The following LTF variants were observed in gnomAD, a reference collection of about 807,000 sequenced individuals.
LTF encodes the protein lactotransferrin.
A neutral mutation model predicts 87.2 loss-of-function variants in LTF; 91 were observed. The observed-to-expected ratio is 1.04, with a 90% CI of 0.88 to 1.24. LTF has a LOEUF of 1.24. Among genes scored for constraint, LTF ranks in the 50% most tolerant of loss-of-function variants. The pLI is 0.00. For missense variants in LTF, 901 were observed against 904.3 expected (o/e 1.00, Z 0.05); for synonymous variants, 378 against 356.1 (o/e 1.06, Z -0.69).
intron 6 of LTF, 76 bp from the exon 7 acceptor site, chr3:46,450,749 T>C: frequency 7.8e-7 from 1 of 1,278,468 alleles, no homozygotes; most frequent in Non-Finnish European, 1.1e-6. Flanking sequence ...GTTCCCCTTC[T>C]CCCTATAGAA....
chr3:46,441,545 A>G, intron 13 of LTF, 62 bp from the exon 14 acceptor site: 1 of 1,164,066 alleles, frequency 8.6e-7, no homozygotes. Flanking sequence ...GCTTTCATAA[A>G]TATTTGTAAT....
chr3:46,468,123 G>A, upstream of LTF: 1 of 448,352 alleles, frequency 2.2e-6, no homozygotes, highest in Non-Finnish European at 4.5e-6. Context: ...AATAAATGAG[G>A]AAGAGGAACA....
intron 1 of LTF, among the ~76,000 whole-genome samples, chr3:46,481,523 C>A (rs1384618521): frequency 2.0e-5 from 3 of 152,218 alleles, no homozygotes; most frequent in Admixed American, 6.5e-5. Flanking sequence ...ACACCTATGC[C>A]ACTAAGACTT....
At chr3:46,472,488 T>TTTTGTGTGTGTG (rs1553667481) in intron 1 of LTF, among the ~76,000 whole-genome samples, 1 of 106,890 alleles carries the variant, frequency 9.4e-6, no homozygotes, top group Non-Finnish European at 1.9e-5. Flanking sequence ...GAAAAGATTA[T>TTTTGTGTGTGTG]TGTGTGTGTG....
At chr3:46,484,808 G>A (rs936061162) in intron 1 of LTF, among the ~76,000 whole-genome samples, 17 of 152,166 alleles carry the variant, frequency 1.1e-4, no homozygotes, top group African/African-American at 1.7e-4. Context: ...CCACCACCTC[G>A]GGGCAGAGAG....
At chr3:46,465,087 G>A (rs1341288965), upstream of LTF, 14 of 594,388 alleles carry the variant, frequency 2.4e-5, no homozygotes. Context: ...AAGCCAGCCT[G>A]CACCTCACCT....
intron 5 of LTF, among the ~76,000 whole-genome samples, chr3:46,455,061 C>T (rs1702892644): frequency 6.6e-6 from 1 of 152,208 alleles, no homozygotes; most frequent in East Asian, 1.9e-4. Context: ...CCCACAGCCA[C>T]AGTGACTGCC....
At chr3:46,450,795 G>A in intron 6 of LTF, 122 bp from the exon 7 acceptor site, 1 of 805,988 alleles carries the variant, frequency 1.2e-6, no homozygotes, top group Non-Finnish European at 2.0e-6. Context: ...AAAACTGAGG[G>A]TCAGAAAGGC....
At chr3:46,450,713 G>T (rs369024938) in intron 6 of LTF, 40 bp from the exon 7 acceptor site, 3 of 1,538,720 alleles carry the variant, frequency 1.9e-6, no homozygotes, top group Non-Finnish European at 2.7e-6. Flanking sequence ...TAGATAAGCC[G>T]ACTCCAGCAG....
chr3:46,436,689 A>G (rs1027021673), intron 16 of LTF, among the ~76,000 whole-genome samples: 3 of 152,220 alleles, frequency 2.0e-5, no homozygotes, highest in Non-Finnish European at 2.9e-5. Context: ...GCCCTCAAGA[A>G]GCATGTGGTC....
chr3:46,481,635 T>C (rs1230432138), intron 1 of LTF, among the ~76,000 whole-genome samples: 2 of 152,104 alleles, frequency 1.3e-5, no homozygotes, highest in African/African-American at 4.8e-5. Flanking sequence ...CCTGTAATCA[T>C]AGCTACTCGG....
chr3:46,438,575 C>T (rs1702443149), intron 15 of LTF, among the ~76,000 whole-genome samples: 1 of 152,202 alleles, frequency 6.6e-6, no homozygotes, highest in African/African-American at 2.4e-5. Context: ...GGTCACCCTG[C>T]CTCCCTCACA....
At chr3:46,454,410 C>T in intron 5 of LTF, 50 bp from the exon 6 acceptor site, 1 of 1,481,222 alleles carries the variant, frequency 6.8e-7, no homozygotes, top group Non-Finnish European at 9.4e-7. Flanking sequence ...CCTCCCCAGC[C>T]CCTCCCTGTG....
chr3:46,456,190 A>G, intron 3 of LTF, 100 bp downstream of exon 3: 1 of 1,103,266 alleles, frequency 9.1e-7, no homozygotes, highest in Non-Finnish European at 1.3e-6. Flanking sequence ...GTGTGATGTG[A>G]CCCAGACTCC....
At chr3:46,459,892 G>T in intron 1 of LTF, 73 bp from the exon 2 acceptor site, 1 of 1,146,642 alleles carries the variant, frequency 8.7e-7, no homozygotes, top group Non-Finnish European at 1.2e-6. Flanking sequence ...CTCTGATGGA[G>T]TTTTCCAGAC....
At chr3:46,459,199 G>A (rs1239511599) in intron 2 of LTF, among the ~76,000 whole-genome samples, 3 of 152,180 alleles carry the variant, frequency 2.0e-5, no homozygotes, top group Non-Finnish European at 4.4e-5. Context: ...AAAGTGTCTT[G>A]GACAAAAGTC....
intron 6 of LTF, among the ~76,000 whole-genome samples, chr3:46,451,066 G>C (rs889701288): frequency 1.3e-5 from 2 of 152,178 alleles, no homozygotes; most frequent in Admixed American, 6.5e-5. Context: ...GAATAAAAAT[G>C]ACAAAAATGT....
chr3:46,437,913 C>A, intron 16 of LTF, 27 bp downstream of exon 16: 2 of 1,602,500 alleles, frequency 1.2e-6, no homozygotes, highest in South Asian at 1.1e-5. Context: ...GGTGGTTTCT[C>A]GGGGATGCTA....
upstream of LTF, among the ~76,000 whole-genome samples, chr3:46,467,137 G>A (rs1703226923): frequency 6.6e-6 from 1 of 152,186 alleles, no homozygotes; most frequent in South Asian, 2.1e-4. Flanking sequence ...GCCCCTCAAG[G>A]CCATTTGCAG....
Sources: allele counts gnomAD v4.1 joint callset (sites outside exome capture counted in the v4.1 genomes callset), GRCh38; gene constraint gnomAD v4.1.1; transcripts MANE v1.5; gene names NCBI Gene and HGNC (gene_info 2026-07-23, HGNC 2026-07-21).